Variants in PRELID2 observed in about 807,000 individuals in gnomAD.
PRELID2 encodes PRELI domain-containing protein 2.
In PRELID2, 25 loss-of-function variants were observed where a neutral mutation model predicts 28.4. That is an observed-to-expected ratio of 0.88 (90% CI 0.64 to 1.23). PRELID2 has a LOEUF of 1.23. Ranked by LOEUF, PRELID2 falls within the 50% of genes most tolerant of loss-of-function variation. The pLI, the probability that PRELID2 is intolerant of heterozygous loss-of-function variation, is 0.00. For synonymous variants in PRELID2, 76 were observed against 71.6 expected, an observed-to-expected ratio of 1.06 and a Z score of -0.31; for missense variants, 201 against 214.4, an observed-to-expected ratio of 0.94 and a Z score of 0.39.
intron 1 of PRELID2, among the ~76,000 whole-genome samples, chr5:145,479,374 T>C (rs1413283813): frequency 6.6e-6 from 1 of 152,016 alleles, no homozygotes; most frequent in Non-Finnish European, 1.5e-5. Context: ...TTCCTGGCCA[T>C]TGCACACGTT....
the PRELID2 span, among the ~76,000 whole-genome samples, chr5:145,316,587 G>T: frequency 1.3e-5 from 2 of 152,224 alleles, no homozygotes; most frequent in East Asian, 3.9e-4. Flanking sequence ...CTAAACAAAA[G>T]GACTAAGACA....
the PRELID2 span, among the ~76,000 whole-genome samples, chr5:145,368,405 G>A: frequency 6.6e-6 from 1 of 151,780 alleles, no homozygotes; most frequent in Admixed American, 6.6e-5. Flanking sequence ...GCATCTTCGA[G>A]ACACCTCAAA....
chr5:145,796,412 A>T, intron 5 of PRELID2, 30 bp downstream of exon 5: 1 of 1,452,302 alleles, frequency 6.9e-7, no homozygotes, highest in Non-Finnish European at 9.6e-7. Context: ...TTTTAAAATT[A>T]ATGTTGGTTC....
chr5:145,727,671 A>G (rs1263094522), intron 1 of PRELID2, among the ~76,000 whole-genome samples: 1 of 152,200 alleles, frequency 6.6e-6, no homozygotes, highest in South Asian at 2.1e-4. Flanking sequence ...AGAGCCTCCA[A>G]TGGCCTTCAA....
the PRELID2 span, among the ~76,000 whole-genome samples, chr5:145,301,532 T>C: frequency 6.6e-6 from 1 of 152,152 alleles, no homozygotes; most frequent in African/African-American, 2.4e-5. Flanking sequence ...CAGGTTTTTA[T>C]TCTTTTATGG....
intron 1 of PRELID2, among the ~76,000 whole-genome samples, chr5:145,496,401 T>G (rs866750098): frequency 1.8e-4 from 28 of 151,986 alleles, no homozygotes; most frequent in Middle Eastern, 3.4e-3. Context: ...ACCACAGTAG[T>G]AGGAAAATTA....
chr5:145,376,673 T>C, the PRELID2 span, among the ~76,000 whole-genome samples: 1 of 152,210 alleles, frequency 6.6e-6, no homozygotes, highest in Non-Finnish European at 1.5e-5. Context: ...TTTTATTTTA[T>C]GTGCATAGAT....
intron 1 of PRELID2, among the ~76,000 whole-genome samples, chr5:145,670,580 A>T (rs886276294): frequency 6.6e-6 from 1 of 152,136 alleles, no homozygotes; most frequent in African/African-American, 2.4e-5. Context: ...TAAACTAAAA[A>T]CAAACTAGAG....
chr5:145,291,335 C>CACAAAAAAAAAAAAAAAAAAAAA, the PRELID2 span, among the ~76,000 whole-genome samples: 3 of 57,472 alleles, frequency 5.2e-5, no homozygotes, highest in African/African-American at 2.2e-4. Flanking sequence ...GACTCTGTTT[C>CACAAAAAAAAAAAAAAAAAAAAA]AGAAAAAAAA....
chr5:145,670,440 G>A (rs10066359), intron 1 of PRELID2, among the ~76,000 whole-genome samples: 9,722 of 152,176 alleles, frequency 0.064, 1,043 homozygotes, highest in African/African-American at 0.22. Flanking sequence ...ATTTCCACAT[G>A]AGATTTGGAA....
chr5:145,367,198 T>C, the PRELID2 span, among the ~76,000 whole-genome samples: 1 of 151,934 alleles, frequency 6.6e-6, no homozygotes, highest in Non-Finnish European at 1.5e-5. Flanking sequence ...AAAGCCTTCT[T>C]TGACCACTCT....
downstream of PRELID2, among the ~76,000 whole-genome samples, chr5:145,755,251 T>C (rs564638672): frequency 6.6e-6 from 1 of 152,212 alleles, no homozygotes; most frequent in South Asian, 2.1e-4. Flanking sequence ...GCTTGTTGAC[T>C]TTCTGGAGGG....
intron 1 of PRELID2, among the ~76,000 whole-genome samples, chr5:145,676,402 G>T (rs548830955): frequency 6.6e-6 from 1 of 152,056 alleles, no homozygotes; most frequent in South Asian, 2.1e-4. Context: ...ATCAAGGCTT[G>T]GTGGCAGGTG....
the PRELID2 span, among the ~76,000 whole-genome samples, chr5:145,366,598 T>C: frequency 8.2e-4 from 125 of 152,028 alleles, no homozygotes; most frequent in Middle Eastern, 3.4e-3. Flanking sequence ...GATAATGTTA[T>C]ATTAAAATTT....
chr5:145,241,849 T>G, the PRELID2 span, among the ~76,000 whole-genome samples: 1 of 151,810 alleles, frequency 6.6e-6, no homozygotes, highest in African/African-American at 2.4e-5. Context: ...ATTTACTAAA[T>G]CACTTAGGCC....
chr5:145,743,234 C>A (rs1344156586), intron 1 of PRELID2, among the ~76,000 whole-genome samples: 2 of 151,684 alleles, frequency 1.3e-5, no homozygotes, highest in African/African-American at 2.4e-5. Flanking sequence ...CATGGTGAAA[C>A]CTTGTCTCTA....
At chr5:145,817,577 G>C (rs1477510936) in intron 4 of PRELID2, among the ~76,000 whole-genome samples, 1 of 151,132 alleles carries the variant, frequency 6.6e-6, no homozygotes, top group African/African-American at 2.4e-5. Context: ...GGCTCTATGA[G>C]TATATATATA....
At chr5:145,417,124 T>C in the PRELID2 span, among the ~76,000 whole-genome samples, 1 of 152,014 alleles carries the variant, frequency 6.6e-6, no homozygotes, top group African/African-American at 2.4e-5. Context: ...TATAAATACC[T>C]CTATGCACAT....
intron 1 of PRELID2, among the ~76,000 whole-genome samples, chr5:145,749,712 C>G (rs1458661547): frequency 6.6e-6 from 1 of 152,150 alleles, no homozygotes; most frequent in African/African-American, 2.4e-5. Flanking sequence ...ATGGAACCAA[C>G]TCAAATGCCT....
Sources: gnomAD v4.1 joint callset for allele counts (sites outside exome capture counted in the v4.1 genomes callset) on GRCh38, gnomAD v4.1.1 for gene constraint, MANE v1.5 for transcripts, NCBI Gene and HGNC (gene_info 2026-07-23, HGNC 2026-07-21) for gene names.